Variants in MSH5 observed in about 807,000 individuals in gnomAD.
MSH5 encodes the protein mutS homolog 5.
In MSH5, 78 loss-of-function variants were observed where a neutral mutation model predicts 107.7. The observed-to-expected ratio is 0.72, with a 90% confidence interval of 0.60 to 0.87. The LOEUF is 0.87. Ranked by LOEUF, MSH5 falls within the 40% of genes least tolerant of loss-of-function variation. The pLI, the probability that MSH5 is intolerant of heterozygous loss-of-function variation, is 0.00. For missense variants in MSH5, 889 were observed against 1,046.6 expected, an observed-to-expected ratio of 0.85 and a Z score of 2.08; for synonymous variants, 326 against 399.5, an observed-to-expected ratio of 0.82 and a Z score of 2.19.
At chr6:31,743,804 C>G in intron 5 of MSH5, 100 bp from the exon 6 acceptor site, 1 of 1,514,638 alleles carries the variant, frequency 6.6e-7, no homozygotes. Flanking sequence ...TGAGCTTGGG[C>G]AAGTCAAATA....
At chr6:31,748,344 CTT>C (rs36029092) in intron 10 of MSH5, among the ~76,000 whole-genome samples, 1 of 126,576 alleles carries the variant, frequency 7.9e-6, no homozygotes, top group African/African-American at 2.8e-5. Context: ...CATGTCACTC[CTT>C]TTTTTTTTTT....
rs1465710862 is a variant in MSH5 at position 31,740,408 on chromosome 6, CTG to C, written c.-13-43_-13-42del. 15 of 1,536,560 alleles carry C rather than the reference CTG, an allele frequency of 9.8e-6. No homozygotes were observed. The highest frequency in any genetic ancestry group is 2.5e-5 in the East Asian group (1 of 40,180). ...GCGCGCCACCCTACCCCGGCCTCCT[CTG>C]TGAATCGTTGCTTCCGAACCGCCCT... On this transcript the variant is annotated intron_variant, in intron 1 of 24. Coordinates refer to ENST00000375750, the MANE Select transcript of MSH5 (RefSeq NM_172166.4). The surrounding 1 kb of genome is among the most constrained non-coding windows in gnomAD (Gnocchi z 4.4).
At chr6:31,744,639 C>A in intron 8 of MSH5, 58 bp downstream of exon 8, 1 of 1,554,636 alleles carries the variant, frequency 6.4e-7, no homozygotes, top group Non-Finnish European at 8.9e-7. Flanking sequence ...AAGTTTAATG[C>A]CCCAATAATC....
rs768603011 is a variant in MSH5, at chr6:31,758,751, C to G, written c.1217-15C>G. The stretch of plus-strand genomic sequence containing the variant: ...AGACTCACTTTTGATAACCACGTGT[C>G]TTCCACCCTCGTAGAAAAGCGAAGA... On this transcript the variant is annotated splice_polypyrimidine_tract_variant and intron_variant, in intron 14 of 24. Transcript: ENST00000375750. This position sits in a 1 kb window ranked among gnomAD's most constrained non-coding sequence, Gnocchi z 5.1. The G allele has an allele frequency of 6.2e-7, 1 of 1,613,386 alleles. No individual in the cohort carries two copies. The highest frequency in any genetic ancestry group is 8.5e-7 in the Non-Finnish European group (1 of 1,179,318).
intron 12 of MSH5, among the ~76,000 whole-genome samples, chr6:31,755,400 T>A (rs952732298): frequency 6.6e-6 from 1 of 151,804 alleles, no homozygotes; most frequent in Admixed American, 6.6e-5. Flanking sequence ...TTTGCTCTTG[T>A]AGCCCAGGCT....
intron 12 of MSH5, among the ~76,000 whole-genome samples, chr6:31,755,431 C>T (rs1358097860): frequency 3.3e-5 from 5 of 151,270 alleles, no homozygotes; most frequent in African/African-American, 9.7e-5. Flanking sequence ...GGTGTGATCT[C>T]GGCTCACCGC....
Position 31,758,501 on chromosome 6 carries a change from C to T in MSH5, c.1144-47C>T. 1.2e-6 allele frequency: 2 copies of T among 1,604,118 alleles called. No homozygotes were observed. The highest frequency in any genetic ancestry group is 1.7e-6 in the Non-Finnish European group (2 of 1,172,156). On this transcript the variant is annotated intron_variant, in intron 13 of 24. Transcript: ENST00000375750. The surrounding 1 kb of genome is among the most constrained non-coding windows in gnomAD (Gnocchi z 5.1). The stretch of plus-strand genomic sequence containing the variant: ...TTGGGGCCCAAGGAGAGCTGAGGAA[C>T]AGGACAGAGGGTGCCAGGTCCTAAG...
In MSH5 at chr6:31,758,462, G is replaced by A. The variant is rs1452814468; in HGVS notation, c.1144-86G>A. ...ATCTGGAGGGTGAGAGTTAAAGGAGGACTGCAGGGAGAATTGGGGCCCAAG... is the reference window on the plus strand; with the variant it reads ...ATCTGGAGGGTGAGAGTTAAAGGAGAACTGCAGGGAGAATTGGGGCCCAAG... On this transcript the variant is annotated intron_variant, in intron 13 of 24. Transcript: ENST00000375750. This position sits in a 1 kb window ranked among gnomAD's most constrained non-coding sequence, Gnocchi z 5.1. The A allele has an allele frequency of 6.4e-7, 1 of 1,567,498 alleles. No individual in the cohort carries two copies. The highest frequency in any genetic ancestry group is 2.2e-5 in the East Asian group (1 of 44,612).
chr6:31,758,388 T>G lies in MSH5; in HGVS notation c.1143+95T>G, dbSNP rs1810647354. The G allele has an allele frequency of 1.9e-6, 3 of 1,579,234 alleles. No individual in the cohort carries two copies. Among genetic ancestry groups the G allele is most frequent in the South Asian group, 2.3e-5 (2 of 87,936 alleles). On this transcript the variant is annotated intron_variant, in intron 13 of 24. Coordinates refer to ENST00000375750, the MANE Select transcript of MSH5 (RefSeq NM_172166.4). This position sits in a 1 kb window ranked among gnomAD's most constrained non-coding sequence, Gnocchi z 5.1. ...AAACATGGAAGATATTGAGGTCAAT[T>G]GGATAAAGAATGGGATGGTGGGAGG...
In MSH5 at chr6:31,744,185, C is replaced by T; in HGVS notation, c.538-5C>T. On this transcript the variant is annotated splice_region_variant and splice_polypyrimidine_tract_variant and intron_variant, in intron 6 of 24. Transcript: ENST00000375750. The stretch of plus-strand genomic sequence containing the variant: ...ACCCCGATTCCACTGCTGATCCCCT[C>T]CCAGGTTCGAGCACTTGGAGGGCTG... 6.2e-7 allele frequency: 1 copy of T among 1,609,904 alleles called. No individual in the cohort carries two copies. The highest frequency in any genetic ancestry group is 8.5e-7 in the Non-Finnish European group (1 of 1,177,952).
chr6:31,744,383 GC>G (rs1402885274), intron 7 of MSH5, 84 bp downstream of exon 7: 1 of 1,584,782 alleles, frequency 6.3e-7, no homozygotes, highest in African/African-American at 1.3e-5. Flanking sequence ...TGTGGATGTG[GC>G]TGTGACCCAG....
At chr6:31,751,637 G>GAA (rs9281572) in intron 10 of MSH5, 6 of 137,876 alleles carry the variant, frequency 4.4e-5, no homozygotes, top group Non-Finnish European at 3.1e-5. Flanking sequence ...CTCTGTCTCA[G>GAA]AAAAAAAAAA....
At chr6:31,743,835 C>T in intron 5 of MSH5, 69 bp from the exon 6 acceptor site, 5 of 1,581,368 alleles carry the variant, frequency 3.2e-6, no homozygotes, top group Non-Finnish European at 4.3e-6. Flanking sequence ...CTTCTATTGT[C>T]TCATTCTTAA....
At chr6:31,751,229 C>G (rs1446675015) in intron 10 of MSH5, among the ~76,000 whole-genome samples, 2 of 152,192 alleles carry the variant, frequency 1.3e-5, no homozygotes, top group African/African-American at 4.8e-5. Context: ...ATCTCCTGAC[C>G]TCGTGACCCG....
chr6:31,761,705 C>G lies in MSH5; in HGVS notation c.2181+90C>G, dbSNP rs1811016278. The G allele has an allele frequency of 6.2e-7, 1 of 1,612,652 alleles. No individual in the cohort carries two copies. Among genetic ancestry groups the G allele is most frequent in the African/African-American group, 1.3e-5 (1 of 74,908 alleles). On this transcript the variant is annotated intron_variant, in intron 22 of 24. Coordinates refer to ENST00000375750, the MANE Select transcript of MSH5 (RefSeq NM_172166.4). The surrounding 1 kb of genome is among the most constrained non-coding windows in gnomAD (Gnocchi z 5.3). Reference sequence around the variant, plus strand: ...GCTCCTCTATCAGAACAAGGGCTCCCTCAGCACAGAGACCACATCCCTTCC... The same window carrying G: ...GCTCCTCTATCAGAACAAGGGCTCCGTCAGCACAGAGACCACATCCCTTCC...
rs758563664 is a variant in MSH5, at chr6:31,758,662, G to A, written c.1216+42G>A. ...GATGGGCCTGTGAGCCCTGCGCAGT[G>A]ATGGAGTACCATCCTTGGCAGGTGG... On this transcript the variant is annotated intron_variant, in intron 14 of 24. Coordinates refer to ENST00000375750, the MANE Select transcript of MSH5 (RefSeq NM_172166.4). This position sits in a 1 kb window ranked among gnomAD's most constrained non-coding sequence, Gnocchi z 5.1. 1 of 1,611,680 alleles carries A rather than the reference G, an allele frequency of 6.2e-7. No individual in the cohort carries two copies. The highest frequency in any genetic ancestry group is 8.5e-7 in the Non-Finnish European group (1 of 1,177,892).
chr6:31,750,829 A>G (rs1428260829), intron 10 of MSH5, among the ~76,000 whole-genome samples: 2 of 152,160 alleles, frequency 1.3e-5, no homozygotes, highest in African/African-American at 4.8e-5. Flanking sequence ...TAGTGTGTGC[A>G]CATGTTGGCT....
At position 31,760,660 on chromosome 6, in the gene MSH5, G is replaced by A. The variant is rs1389415148; in HGVS notation, c.1813-30G>A. On this transcript the variant is annotated intron_variant, in intron 19 of 24. Transcript: ENST00000375750. This position sits in a 1 kb window ranked among gnomAD's most constrained non-coding sequence, Gnocchi z 5.6. ...CTTTCACCTCAGCCCACGGCACCAG[G>A]CCCCAGGCCCTGTCTCCTTCCCTAT... 6.2e-7 allele frequency: 1 copy of A among 1,612,396 alleles called. No homozygotes were observed. The highest frequency in any genetic ancestry group is 8.5e-7 in the Non-Finnish European group (1 of 1,180,016).
chr6:31,741,305 ATTCC>A lies in MSH5; in HGVS notation c.271+21_271+24del, dbSNP rs749479278. 1 of 1,601,854 alleles carries A rather than the reference ATTCC, an allele frequency of 6.2e-7. No homozygotes were observed. Among genetic ancestry groups the A allele is most frequent in the Non-Finnish European group, 8.5e-7 (1 of 1,173,280 alleles). ...CAGAGAGGTGGGGATGGAACCATGA[ATTCC>A]TCTGCTCTCTGGGATTGCAGATGTG... On this transcript the variant is annotated intron_variant, in intron 3 of 24. Coordinates refer to ENST00000375750, the MANE Select transcript of MSH5 (RefSeq NM_172166.4).
Sources: allele counts gnomAD v4.1 joint callset (sites outside exome capture counted in the v4.1 genomes callset), GRCh38; gene constraint gnomAD v4.1.1; non-coding constraint Gnocchi (gnomAD v3.1); transcripts MANE v1.5; gene names NCBI Gene and HGNC (gene_info 2026-07-23, HGNC 2026-07-21).